Variants in AGBL1 observed in about 807,000 individuals in gnomAD.
AGBL1 encodes AGBL carboxypeptidase 1, also known as cytosolic carboxypeptidase 4.
AGBL1 carries 130 observed loss-of-function variants against 118.9 expected under a neutral mutation model. The ratio of observed to expected loss-of-function variants is 1.09; its 90% CI spans 0.95 to 1.26. The LOEUF (loss-of-function observed/expected upper bound fraction) is 1.26. AGBL1 is among the 50% of genes most tolerant of loss of function. AGBL1 has a pLI of 0.00. For synonymous variants in AGBL1, 555 were observed against 478.9 expected (o/e 1.16, Z -2.08); for missense variants, 1,584 against 1,298.1 (o/e 1.22, Z -3.38).
chr15:86,509,685 AT>A (rs2083029072), intron 18 of AGBL1, among the ~76,000 whole-genome samples: 1 of 152,142 alleles, frequency 6.6e-6, no homozygotes, highest in Non-Finnish European at 1.5e-5. Context: ...GTTTCAAAAA[AT>A]AAAACCTTAT....
intron 22 of AGBL1, among the ~76,000 whole-genome samples, chr15:86,788,734 A>C (rs1248527311): frequency 6.6e-6 from 1 of 152,232 alleles, no homozygotes; most frequent in Non-Finnish European, 1.5e-5. Context: ...GGATAATGTC[A>C]TGAAAAGTGT....
chr15:86,845,307 C>G (rs1313166087), intron 22 of AGBL1, among the ~76,000 whole-genome samples: 2 of 151,810 alleles, frequency 1.3e-5, no homozygotes, highest in Non-Finnish European at 2.9e-5. Flanking sequence ...TTGTTAAATC[C>G]TTTTTATAGG....
chr15:86,678,516 A>G (rs1015946533), intron 22 of AGBL1, among the ~76,000 whole-genome samples: 4 of 152,014 alleles, frequency 2.6e-5, no homozygotes, highest in Admixed American at 6.6e-5. Flanking sequence ...ATTTACATTT[A>G]ATTTTAATTT....
intron 22 of AGBL1, among the ~76,000 whole-genome samples, chr15:86,849,059 T>C (rs55682560): frequency 0.049 from 7,396 of 152,318 alleles, 274 homozygotes; most frequent in Non-Finnish European, 0.08. Flanking sequence ...ATGCTCAGTG[T>C]TGATTGAATA....
intron 17 of AGBL1, among the ~76,000 whole-genome samples, chr15:86,304,674 C>T (rs545369091): frequency 6.6e-5 from 10 of 152,244 alleles, no homozygotes; most frequent in East Asian, 3.9e-4. Flanking sequence ...ACCTCTTACC[C>T]GGTTATTTCT....
At chr15:86,386,429 G>C (rs76464269) in intron 17 of AGBL1, among the ~76,000 whole-genome samples, 7,567 of 149,898 alleles carry the variant, frequency 0.05, 402 homozygotes, top group African/African-American at 0.14. Context: ...TGGATTATTT[G>C]TGAGTTTTCT....
intron 23 of AGBL1, among the ~76,000 whole-genome samples, chr15:86,945,299 G>T (rs1180513834): frequency 1.4e-5 from 2 of 141,400 alleles, no homozygotes; most frequent in Non-Finnish European, 3.1e-5. Flanking sequence ...ATCATGAAAA[G>T]AGTTCACGAT....
intron 18 of AGBL1, among the ~76,000 whole-genome samples, chr15:86,440,751 C>T (rs1420263339): frequency 6.6e-6 from 1 of 152,098 alleles, no homozygotes; most frequent in Non-Finnish European, 1.5e-5. Context: ...TACTGCAGCA[C>T]AAACACAATA....
In AGBL1 at chr15:86,984,067, G is replaced by A. The variant is rs533139662; in HGVS notation, c.3222-3920G>A. On this transcript the variant is annotated intron_variant, in intron 23 of 24. Transcript: ENST00000441037. ...AAGTACCCAGGGGAGAAATTTTTGG[G>A]TTGTATGGTAAGTCCTATGTTTAAC... Among the ~76,000 whole-genome samples, 3 of 152,182 alleles carry A rather than the reference G, an allele frequency of 2.0e-5. No homozygotes were observed. The East Asian group carries it at 5.8e-4, about 29-fold the overall frequency.
At chr15:86,359,128 T>G (rs1019808660) in intron 17 of AGBL1, among the ~76,000 whole-genome samples, 4 of 151,950 alleles carry the variant, frequency 2.6e-5, no homozygotes, top group South Asian at 4.1e-4. Flanking sequence ...TCCTCTTAGT[T>G]TCTTCTAGTA....
At chr15:86,375,160 G>A (rs182639818) in intron 17 of AGBL1, among the ~76,000 whole-genome samples, 193 of 152,226 alleles carry the variant, frequency 1.3e-3, no homozygotes, top group African/African-American at 4.3e-3. Context: ...TGCTTTGAAA[G>A]GTGCTGTATT....
At chr15:86,475,012 T>C (rs767613115) in intron 18 of AGBL1, among the ~76,000 whole-genome samples, 2 of 152,066 alleles carry the variant, frequency 1.3e-5, no homozygotes, top group Non-Finnish European at 2.9e-5. Context: ...CAGCTGAGGG[T>C]CCTGAATGTT....
At position 86,212,907 on chromosome 15, in the gene AGBL1, C is replaced by T. The variant is rs200032270; in HGVS notation, c.489-12007C>T. On this transcript the variant is annotated intron_variant, in intron 5 of 22. Transcript: ENST00000614907. Reference sequence around the variant, plus strand: ...TCAGGTGATCCACCCGCCTCGGCCTCCCAAAGTGCTGGGATTACAGGCATG... The same window carrying T: ...TCAGGTGATCCACCCGCCTCGGCCTTCCAAAGTGCTGGGATTACAGGCATG... Among the ~76,000 whole-genome samples, 4 of 152,212 alleles carry T rather than the reference C, an allele frequency of 2.6e-5. No individual in the cohort carries two copies. In the East Asian group the frequency reaches 7.7e-4, roughly 29 times the overall value.
rs1321828322 is a variant in AGBL1 at position 86,144,730 on chromosome 15, G to C, written c.262+885G>C. Among the ~76,000 whole-genome samples, 3 of 152,116 alleles carry C rather than the reference G, an allele frequency of 2.0e-5. No homozygotes were observed. In the East Asian group the frequency reaches 5.8e-4, roughly 29 times the overall value. ...TAATTGGTACTAGGCTTAATACCTGGATGCTGAAATAATCTGTACAACAAA... is the reference window on the plus strand; with the variant it reads ...TAATTGGTACTAGGCTTAATACCTGCATGCTGAAATAATCTGTACAACAAA... On this transcript the variant is annotated intron_variant, in intron 3 of 22. Transcript: ENST00000614907.
At chr15:86,830,965 C>G (rs2079096646) in intron 22 of AGBL1, among the ~76,000 whole-genome samples, 1 of 152,154 alleles carries the variant, frequency 6.6e-6, no homozygotes, top group Non-Finnish European at 1.5e-5. Context: ...GTTTAATGGA[C>G]TCACAGTTCC....
At chr15:86,352,680 C>G (rs2141903742) in intron 17 of AGBL1, among the ~76,000 whole-genome samples, 1 of 152,222 alleles carries the variant, frequency 6.6e-6, no homozygotes, top group Admixed American at 6.5e-5. Context: ...TGGGGTTTCA[C>G]TATGTTGGCC....
intron 1 of AGBL1, among the ~76,000 whole-genome samples, chr15:86,122,167 C>T (rs534630459): frequency 6.6e-6 from 1 of 152,184 alleles, no homozygotes; most frequent in African/African-American, 2.4e-5. Flanking sequence ...ATTGGAGCAA[C>T]AGGATATTGT....
At chr15:86,824,824 G>A (rs1004495797) in intron 22 of AGBL1, among the ~76,000 whole-genome samples, 5 of 152,028 alleles carry the variant, frequency 3.3e-5, no homozygotes, top group African/African-American at 7.2e-5. Flanking sequence ...TTGGGAGGCC[G>A]AGGCAGGTGG....
chr15:86,270,546 C>T (rs898886895), intron 14 of AGBL1, among the ~76,000 whole-genome samples: 7 of 152,180 alleles, frequency 4.6e-5, no homozygotes, highest in African/African-American at 1.7e-4. Flanking sequence ...GACGAGCAGG[C>T]TGTATTTATT....
Sources: allele counts gnomAD v4.1 joint callset (sites outside exome capture counted in the v4.1 genomes callset), GRCh38; gene constraint gnomAD v4.1.1; transcripts MANE v1.5; gene names NCBI Gene and HGNC (gene_info 2026-07-23, HGNC 2026-07-21).